HERC1: variants seen among roughly 807,000 people sequenced by gnomAD.
HERC1 encodes probable E3 ubiquitin-protein ligase HERC1.
A neutral mutation model predicts 554.3 loss-of-function variants in HERC1; 160 were observed. The observed-to-expected ratio is 0.29, with a 90% CI of 0.25 to 0.33. The LOEUF (loss-of-function observed/expected upper bound fraction) is 0.33, where lower values mean the gene tolerates loss of function less well. HERC1 is among the 10% of genes least tolerant of loss of function. The pLI is 1.00. For missense variants in HERC1, 4,919 were observed against 5,918.5 expected, an observed-to-expected ratio of 0.83 and a Z score of 5.54; for synonymous variants, 2,175 against 2,131.7, an observed-to-expected ratio of 1.02 and a Z score of -0.56.
intron 74 of HERC1, 87 bp from the exon 75 acceptor site, chr15:63,616,769 A>G: frequency 8.5e-7 from 1 of 1,175,038 alleles, no homozygotes. Context: ...GCGTTAGTCT[A>G]TACCTGTACT....
chr15:63,728,296 A>C (rs573877887), intron 16 of HERC1, among the ~76,000 whole-genome samples: 7 of 152,296 alleles, frequency 4.6e-5, no homozygotes, highest in Admixed American at 4.6e-4. Flanking sequence ...TTTTAAACAA[A>C]ATTTGCTTTT....
In HERC1 at chr15:63,626,103, T is replaced by A. The variant is rs1566950331; in HGVS notation, c.13157A>T (p.Tyr4386Phe). Residue 4386 changes from tyrosine (Y) to phenylalanine (F), a missense_variant, in exon 71 of 78, where the codon TAT (tyrosine) becomes TTT (phenylalanine). Tyr to Phe is a conservative substitution (Grantham distance 22). Coordinates refer to ENST00000443617, the MANE Select transcript of HERC1 (RefSeq NM_003922.4). ...AATGCTGACTTCTCTCAGCGCCCCA[T>A]ACTGGGGGGGCACTGTGTCAGGCAG... ...LGLPDTVPPQ[Y>F]GALREVSIHT... 3.7e-6 allele frequency: 6 copies of A among 1,613,774 alleles called. No homozygotes were observed. The highest frequency in any genetic ancestry group is 5.1e-6 in the Non-Finnish European group (6 of 1,179,794).
intron 8 of HERC1, among the ~76,000 whole-genome samples, chr15:63,751,530 G>A (rs992039395): frequency 6.6e-6 from 1 of 152,116 alleles, no homozygotes; most frequent in Non-Finnish European, 1.5e-5. Flanking sequence ...CTTCGGTTGA[G>A]CACCAGATGA....
At chr15:63,752,596 A>T (rs1414424997) in intron 8 of HERC1, 1 of 161,312 alleles carries the variant, frequency 6.2e-6, no homozygotes, top group East Asian at 1.8e-4. Flanking sequence ...CTCCTTTTTG[A>T]TCACCCTCTT....
chr15:63,716,241 A>G (rs1327686048), intron 22 of HERC1, 61 bp downstream of exon 22: 1 of 1,445,924 alleles, frequency 6.9e-7, no homozygotes, highest in African/African-American at 1.4e-5. Flanking sequence ...CTTTCAAGTT[A>G]GTTCCCCTAT....
chr15:63,634,009 A>C (rs1342186330), intron 66 of HERC1, 39 bp from the exon 67 acceptor site: 9 of 1,607,896 alleles, frequency 5.6e-6, no homozygotes, highest in Non-Finnish European at 6.8e-6. Flanking sequence ...AAATCACAAG[A>C]CCTAAAACAC....
chr15:63,719,406 A>T (rs2073710163), intron 19 of HERC1, among the ~76,000 whole-genome samples: 1 of 152,262 alleles, frequency 6.6e-6, no homozygotes, highest in African/African-American at 2.4e-5. Context: ...GTGCATGCAC[A>T]GAATGGGTAG....
At chr15:63,708,378 T>A (rs1950173113) in intron 24 of HERC1, among the ~76,000 whole-genome samples, 1 of 152,216 alleles carries the variant, frequency 6.6e-6, no homozygotes, top group Non-Finnish European at 1.5e-5. Context: ...TGGGCCAAGA[T>A]AAGAATATCT....
chr15:63,652,986 A>C (rs775258703), intron 51 of HERC1, among the ~76,000 whole-genome samples: 1 of 152,192 alleles, frequency 6.6e-6, no homozygotes, highest in Non-Finnish European at 1.5e-5. Context: ...ATATATTTGA[A>C]GCTATACTTA....
chr15:63,723,118 C>A, intron 19 of HERC1, 64 bp downstream of exon 19: 1 of 993,556 alleles, frequency 1.0e-6, no homozygotes, highest in Non-Finnish European at 1.4e-6. Flanking sequence ...ACATATATTG[C>A]ATATATATTT....
rs1361815289 is a variant in HERC1, at chr15:63,694,079, C to A, written c.5559G>T (p.Leu1853Phe). The change falls in exon 30 of 78, where the codon TTG becomes TTT. Residue 1853 changes from leucine (L) to phenylalanine (F), a missense_variant. Leu to Phe is a conservative substitution (Grantham distance 22). Around this residue, in one of 11 missense-constraint regions of HERC1, gnomAD observed 1,121 missense variants for 1,244.0 expected, o/e 0.90. Coordinates refer to ENST00000443617, the MANE Select transcript of HERC1 (RefSeq NM_003922.4). This position sits in a 1 kb window ranked among gnomAD's most constrained non-coding sequence, Gnocchi z 4.3. ...CCATATGTAGTACACCAGTTTGGGA[C>A]AATAAATTCTTCAACTGACTACAGA... ...DLLCSQLKNL[L>F]SQTGVLHMAS... The A allele has an allele frequency of 6.2e-7, 1 of 1,610,074 alleles. No homozygotes were observed. The highest frequency in any genetic ancestry group is 8.5e-7 in the Non-Finnish European group (1 of 1,178,116).
At chr15:63,648,688 A>G (rs1328486061) in intron 54 of HERC1, among the ~76,000 whole-genome samples, 1 of 152,216 alleles carries the variant, frequency 6.6e-6, no homozygotes, top group Non-Finnish European at 1.5e-5. Context: ...TATATGTAAC[A>G]CTGAAAGACT....
chr15:63,751,355 C>T (rs929558344), intron 8 of HERC1, among the ~76,000 whole-genome samples: 2 of 152,128 alleles, frequency 1.3e-5, no homozygotes, highest in Non-Finnish European at 2.9e-5. Flanking sequence ...AGTCTAGGAG[C>T]GTAGTAGGCT....
chr15:63,749,241 A>C lies in HERC1; in HGVS notation c.2219+126T>G. 1 of 695,436 alleles carries C rather than the reference A, an allele frequency of 1.4e-6. No homozygotes were observed. Among genetic ancestry groups the C allele is most frequent in the Non-Finnish European group, 2.3e-6 (1 of 427,924 alleles). 43.1% of individuals were successfully genotyped at this position (695,436 alleles called of 1,614,324 possible). The stretch of plus-strand genomic sequence containing the variant: ...ATTTCTATGATAGAGAAAAAGCAAT[A>C]CTATATATGTTCAGAAGAGTATTTT... On this transcript the variant is annotated intron_variant, in intron 10 of 77. Coordinates refer to ENST00000443617, the MANE Select transcript of HERC1 (RefSeq NM_003922.4). The surrounding 1 kb of genome is among the most constrained non-coding windows in gnomAD (Gnocchi z 4.1).
chr15:63,785,889 G>C (rs758890506), intron 1 of HERC1, among the ~76,000 whole-genome samples: 7 of 151,970 alleles, frequency 4.6e-5, no homozygotes, highest in African/African-American at 1.7e-4. Flanking sequence ...TTCTTTTTTA[G>C]AGACAGAGGT....
chr15:63,803,945 CAACAG>C (rs1446577610), intron 1 of HERC1, among the ~76,000 whole-genome samples: 1 of 152,110 alleles, frequency 6.6e-6, no homozygotes, highest in Non-Finnish European at 1.5e-5. Flanking sequence ...CAAGATAGAT[CAACAG>C]AACAGAACTG....
chr15:63,628,538 A>T, intron 70 of HERC1, 139 bp downstream of exon 70: 1 of 895,872 alleles, frequency 1.1e-6, no homozygotes, highest in South Asian at 1.9e-5. Context: ...TGCTAGTAGC[A>T]CAAAGAATGC....
rs1191199905 is a variant in HERC1, at chr15:63,756,825, G to C, written c.1222-77C>G. On this transcript the variant is annotated intron_variant, in intron 4 of 77. Coordinates refer to ENST00000443617, the MANE Select transcript of HERC1 (RefSeq NM_003922.4). This position sits in a 1 kb window ranked among gnomAD's most constrained non-coding sequence, Gnocchi z 5.0. ...AATATTTAAGGCTGGTTTTATCAAAGAGCCTCAAAGGAAGTCTTTTAGCAG... is the reference window on the plus strand; with the variant it reads ...AATATTTAAGGCTGGTTTTATCAAACAGCCTCAAAGGAAGTCTTTTAGCAG... 9 of 894,604 alleles carry C rather than the reference G, an allele frequency of 1.0e-5. No homozygotes were observed. Among genetic ancestry groups the C allele is most frequent in the Non-Finnish European group, 1.3e-5 (8 of 607,146 alleles). 55.4% of individuals were successfully genotyped at this position (894,604 alleles called of 1,614,324 possible).
At chr15:63,713,829 AT>A in intron 22 of HERC1, 164 bp from the exon 23 acceptor site, 2 of 556,270 alleles carry the variant, frequency 3.6e-6, no homozygotes, top group Non-Finnish European at 6.3e-6. Context: ...TTAAAATTAC[AT>A]TTAAAATATA....
Sources: allele counts gnomAD v4.1 joint callset (sites outside exome capture counted in the v4.1 genomes callset), GRCh38; gene constraint gnomAD v4.1.1; regional missense constraint gnomAD v4.1.1; non-coding constraint Gnocchi (gnomAD v3.1); transcripts MANE v1.5; gene names NCBI Gene and HGNC (gene_info 2026-07-23, HGNC 2026-07-21).